Variants in CD4 observed in about 807,000 individuals in gnomAD.
The protein encoded by CD4 is CD4 molecule.
In CD4, 25 loss-of-function variants were observed where a neutral mutation model predicts 50.5. That is an observed-to-expected ratio of 0.49 (90% confidence interval 0.36 to 0.69). The LOEUF (loss-of-function observed/expected upper bound fraction) is 0.69. CD4 is among the 30% of genes least tolerant of loss of function. CD4 has a pLI of 0.00. For synonymous variants in CD4, 207 were observed against 221.9 expected, an observed-to-expected ratio of 0.93 and a Z score of 0.60; for missense variants, 456 against 548.5, an observed-to-expected ratio of 0.83 and a Z score of 1.68.
intron 5 of CD4, 153 bp from the exon 6 acceptor site, chr12:6,815,903 G>T: frequency 6.6e-7 from 1 of 1,521,518 alleles, no homozygotes; most frequent in Non-Finnish European, 8.8e-7. Flanking sequence ...GGCTGGAGAG[G>T]TAGGAAGGAA....
At position 6,817,207 on chromosome 12, in the gene CD4, G is replaced by A. The variant is rs1943102803; in HGVS notation, c.1033G>A (p.Glu345Lys). Residue 345 changes from glutamate to lysine, a missense_variant, in exon 7 of 10, where the codon GAG becomes AAG. Coordinates refer to ENST00000011653, the MANE Select transcript of CD4 (RefSeq NM_000616.5). Reference sequence around the variant, plus strand: ...TAAGCTGATGCTGAGTTTGAAACTGGAGAACAAGGAGGCAAAGGTCTCGAA... The same window carrying A: ...TAAGCTGATGCTGAGTTTGAAACTGAAGAACAAGGAGGCAAAGGTCTCGAA... Reference protein sequence around the residue: ...SPKLMLSLKLENKEAKVSKRE... With the variant: ...SPKLMLSLKLKNKEAKVSKRE... 1.2e-6 allele frequency: 2 copies of A among 1,613,904 alleles called. No individual in the cohort carries two copies. The highest frequency in any genetic ancestry group is 1.7e-5 in the Admixed American group (1 of 59,998).
chr12:6,802,063 C>T (rs1301901647), intron 3 of CD4, among the ~76,000 whole-genome samples: 4 of 149,106 alleles, frequency 2.7e-5, no homozygotes, highest in Non-Finnish European at 4.4e-5. Flanking sequence ...TAGTAGAGAC[C>T]GGTTTTCATC....
intron 3 of CD4, among the ~76,000 whole-genome samples, chr12:6,807,452 A>C (rs1199516924): frequency 3.3e-5 from 5 of 152,222 alleles, no homozygotes; most frequent in Non-Finnish European, 7.3e-5. Context: ...TGAGTGAAAA[A>C]AAGCCAATCT....
intron 3 of CD4, among the ~76,000 whole-genome samples, chr12:6,804,754 C>A (rs906328083): frequency 2.0e-5 from 3 of 151,924 alleles, no homozygotes; most frequent in African/African-American, 7.3e-5. Flanking sequence ...CAGTGGCTCA[C>A]TCCTGTAACC....
At chr12:6,812,552 G>A (rs1337684364) in intron 3 of CD4, among the ~76,000 whole-genome samples, 1 of 152,072 alleles carries the variant, frequency 6.6e-6, no homozygotes, top group Admixed American at 6.6e-5. Context: ...GGTTGCGCAT[G>A]CCTGTAATCT....
At position 6,805,368 on chromosome 12, in the gene CD4, G is replaced by A. The variant is rs185276628; in HGVS notation, c.214+4897G>A. ...ACTTGAAGTCGGGAGTTTGAGACCAGCCTGGCCAACATGGTGAAACCCCGT... is the reference window on the plus strand; with the variant it reads ...ACTTGAAGTCGGGAGTTTGAGACCAACCTGGCCAACATGGTGAAACCCCGT... On this transcript the variant is annotated intron_variant, in intron 3 of 9. Transcript: ENST00000011653. Among the ~76,000 whole-genome samples, 8 of 151,890 alleles carry A rather than the reference G, an allele frequency of 5.3e-5. No individual in the cohort carries two copies. In the East Asian group the frequency reaches 1.5e-3, roughly 29 times the overall value.
rs2137933848 is a variant in CD4 at position 6,819,284 on chromosome 12, T to G, written c.1347-15T>G. The G allele has an allele frequency of 2.5e-6, 4 of 1,614,092 alleles. 1 individual carries two copies. In the East Asian group the frequency reaches 8.9e-5, roughly 36 times the overall value. ...GTGGGGACAGACCTGCTCCCCTTCT[T>G]CTTTGTTCCTGCAGCCGGTTTCAGA... On this transcript the variant is annotated splice_polypyrimidine_tract_variant and intron_variant, in intron 9 of 9. Coordinates refer to ENST00000011653, the MANE Select transcript of CD4 (RefSeq NM_000616.5).
chr12:6,812,732 G>T (rs1050576368), intron 3 of CD4, among the ~76,000 whole-genome samples: 1 of 151,344 alleles, frequency 6.6e-6, no homozygotes, highest in African/African-American at 2.4e-5. Context: ...CTACACATGA[G>T]TATTCACTTC....
chr12:6,798,484 C>A (rs1411947006), intron 1 of CD4, among the ~76,000 whole-genome samples: 1 of 151,876 alleles, frequency 6.6e-6, no homozygotes, highest in Non-Finnish European at 1.5e-5. Flanking sequence ...GTGCATCTTG[C>A]GCAGCCCTAG....
chr12:6,804,129 A>C (rs1555115800), intron 3 of CD4, among the ~76,000 whole-genome samples: 1 of 149,656 alleles, frequency 6.7e-6, no homozygotes, highest in East Asian at 1.9e-4. Context: ...TAAATAAATA[A>C]ATAAATAAAT....
intron 3 of CD4, among the ~76,000 whole-genome samples, chr12:6,800,717 T>G (rs1555115124): frequency 6.6e-6 from 1 of 152,152 alleles, no homozygotes; most frequent in Non-Finnish European, 1.5e-5. Flanking sequence ...TTTAGAACAA[T>G]CACTATCACT....
intron 1 of CD4, among the ~76,000 whole-genome samples, chr12:6,794,777 T>G (rs1412183831): frequency 2.3e-5 from 3 of 131,156 alleles, no homozygotes; most frequent in Non-Finnish European, 4.9e-5. Context: ...GTATGTCTGT[T>G]TTTTTTTTGT....
chr12:6,807,736 T>C (rs1942808855), intron 3 of CD4, among the ~76,000 whole-genome samples: 1 of 152,216 alleles, frequency 6.6e-6, no homozygotes, highest in African/African-American at 2.4e-5. Flanking sequence ...AGGATTTCTC[T>C]GTATTACTTC....
rs138716212 is a variant in CD4 at position 6,813,710 on chromosome 12, G to T, written c.215-432G>T. ...AATCACCATCCAAAGAAATTGTACTGGTTTATTCTCCTACAATGTGTGAGA... is the reference window on the plus strand; with the variant it reads ...AATCACCATCCAAAGAAATTGTACTTGTTTATTCTCCTACAATGTGTGAGA... On this transcript the variant is annotated intron_variant, in intron 3 of 9. Coordinates refer to ENST00000011653, the MANE Select transcript of CD4 (RefSeq NM_000616.5). 8 of 156,746 alleles carry T rather than the reference G, an allele frequency of 5.1e-5. 1 individual carries two copies. Among genetic ancestry groups the T allele is most frequent in the African/African-American group, 1.9e-4 (8 of 41,622 alleles). 9.7% of individuals were successfully genotyped at this position (156,746 alleles called of 1,614,324 possible).
In CD4 at chr12:6,815,614, G is replaced by C. The variant is rs782182043; in HGVS notation, c.608-442G>C. ...TCAGCCTCTGTGAAATGGGGATGAT[G>C]TTAACTGCCATAGTGACTACCTCGT... On this transcript the variant is annotated intron_variant, in intron 5 of 9. Transcript: ENST00000011653. 6.7e-4 allele frequency: 526 copies of C among 787,960 alleles called. 1 individual carries two copies. The African/African-American group carries it at 8.2e-3, about 12-fold the overall frequency. 48.8% of individuals were successfully genotyped at this position (787,960 alleles called of 1,614,324 possible).
In CD4 at chr12:6,800,067, C is replaced by A; in HGVS notation, c.-67-5C>A. 1 of 1,357,744 alleles carries A rather than the reference C, an allele frequency of 7.4e-7. No individual in the cohort carries two copies. The highest frequency in any genetic ancestry group is 1.1e-6 in the Non-Finnish European group (1 of 947,486). The allele number at this position is 1,357,744 out of a possible 1,614,324, so 84.1% of individuals were successfully genotyped here. ...TTGCTGACTAATGATTGGCATTTCC[C>A]TCAGGCCCTGCCATTTCTGTGGGCT... On this transcript the variant is annotated splice_polypyrimidine_tract_variant and splice_region_variant and intron_variant, in intron 1 of 9. Coordinates refer to ENST00000011653, the MANE Select transcript of CD4 (RefSeq NM_000616.5).
At chr12:6,805,583 A>G (rs975312494) in intron 3 of CD4, among the ~76,000 whole-genome samples, 64 of 152,124 alleles carry the variant, frequency 4.2e-4, no homozygotes, top group African/African-American at 1.4e-3. Flanking sequence ...AAAAGAAAAA[A>G]GAAAGCATTG....
chr12:6,818,880 C>T lies in CD4; in HGVS notation c.1312C>T (p.Leu438Phe), dbSNP rs781834118. Reference protein sequence around the residue: ...QAERMSQIKRLLSEKKTCQCP... With the variant: ...QAERMSQIKRFLSEKKTCQCP... ...AGAGCGGATGTCTCAGATCAAGAGA[C>T]TCCTCAGTGAGAAGAAGACCTGCCA... is the stretch of plus-strand genomic sequence containing the variant. Residue 438 changes from leucine to phenylalanine, a missense_variant, in exon 9 of 10, where the codon CTC (leucine) becomes TTC (phenylalanine). By Grantham distance (22) the Leu-to-Phe change is conservative (BLOSUM62 0). Transcript: ENST00000011653. The surrounding 1 kb of genome is among the most constrained non-coding windows in gnomAD (Gnocchi z 5.0). 1 of 1,612,796 alleles carries T rather than the reference C, an allele frequency of 6.2e-7. No homozygotes were observed. Among genetic ancestry groups the T allele is most frequent in the East Asian group, 2.2e-5 (1 of 44,794 alleles).
intron 3 of CD4, among the ~76,000 whole-genome samples, chr12:6,811,322 T>A (rs1942927947): frequency 6.6e-6 from 1 of 152,142 alleles, no homozygotes; most frequent in African/African-American, 2.4e-5. Context: ...AATGCACAGC[T>A]AAAGAGAAAA....
Sources: allele counts gnomAD v4.1 joint callset (sites outside exome capture counted in the v4.1 genomes callset), GRCh38; gene constraint gnomAD v4.1.1; non-coding constraint Gnocchi (gnomAD v3.1); transcripts MANE v1.5; gene names NCBI Gene and HGNC (gene_info 2026-07-23, HGNC 2026-07-21).